KICS2: variants seen among roughly 807,000 people sequenced by gnomAD.
KICS2 encodes the protein KICSTOR subunit 2, also known as KICSTOR complex protein C12orf66.
In KICS2, 13 loss-of-function variants were observed where a neutral mutation model predicts 31.4. The observed-to-expected ratio is 0.41, with a 90% CI of 0.27 to 0.66. The LOEUF is 0.66. Ranked by LOEUF, KICS2 falls within the 30% of genes least tolerant of loss-of-function variation. The probability of loss-of-function intolerance (pLI) is 0.28; values close to 1 mark genes in which losing one functional copy is unlikely to be tolerated. For synonymous variants in KICS2, 209 were observed against 214.8 expected, an observed-to-expected ratio of 0.97 and a Z score of 0.24; for missense variants, 455 against 545.4, an observed-to-expected ratio of 0.83 and a Z score of 1.65.
downstream of KICS2, among the ~76,000 whole-genome samples, chr12:64,188,442 TG>T (rs2037356312): frequency 6.6e-6 from 1 of 151,832 alleles, no homozygotes; most frequent in Non-Finnish European, 1.5e-5. Context: ...GAGAATTGCT[TG>T]AACCAGGAGG....
In KICS2 at chr12:64,222,249, C is replaced by T; in HGVS notation, c.-12G>A. On this transcript the variant is annotated 5_prime_UTR_variant, in exon 1 of 3. Transcript: ENST00000398055. The stretch of plus-strand genomic sequence containing the variant: ...ATAGACTCCCCCATGCGAGCTGCGC[C>T]CCAGCTCGACCCACGTGGCTCTCCT... 1 of 1,612,314 alleles carries T rather than the reference C, an allele frequency of 6.2e-7. No homozygotes were observed. The highest frequency in any genetic ancestry group is 1.7e-4 in the Middle Eastern group (1 of 6,018).
At chr12:64,204,824 T>C (rs2037522051) in intron 2 of KICS2, 1 of 152,102 alleles carries the variant, frequency 6.6e-6, no homozygotes, top group African/African-American at 2.4e-5. Flanking sequence ...ATACTTAAAT[T>C]GGAATGATAC....
At chr12:64,218,634 C>A (rs914506899) in intron 1 of KICS2, among the ~76,000 whole-genome samples, 1 of 150,952 alleles carries the variant, frequency 6.6e-6, no homozygotes, top group Non-Finnish European at 1.5e-5. Context: ...TACTATTAAA[C>A]GGGGTGGCCT....
intron 1 of KICS2, among the ~76,000 whole-genome samples, chr12:64,219,550 C>A (rs2037659757): frequency 6.6e-6 from 1 of 152,068 alleles, no homozygotes; most frequent in Non-Finnish European, 1.5e-5. Context: ...TAAATACCAT[C>A]CATAAGAGAG....
intron 1 of KICS2, among the ~76,000 whole-genome samples, chr12:64,220,282 C>G (rs1420071015): frequency 6.6e-6 from 1 of 152,174 alleles, no homozygotes; most frequent in Non-Finnish European, 1.5e-5. Flanking sequence ...TTGAGGACCA[C>G]TTTACAGAAC....
chr12:64,217,056 T>A (rs1005897903), intron 1 of KICS2, among the ~76,000 whole-genome samples: 2 of 152,178 alleles, frequency 1.3e-5, no homozygotes, highest in Admixed American at 6.5e-5. Flanking sequence ...TTGTAAAATA[T>A]CCTCTTAATA....
chr12:64,219,946 G>C (rs813156), intron 1 of KICS2, among the ~76,000 whole-genome samples: 23 of 152,280 alleles, frequency 1.5e-4, no homozygotes, highest in African/African-American at 4.3e-4. Context: ...GTTTTCTCCT[G>C]AAGTTTTTAA....
downstream of KICS2, among the ~76,000 whole-genome samples, chr12:64,189,403 C>T (rs1348430018): frequency 6.6e-6 from 1 of 152,070 alleles, no homozygotes; most frequent in East Asian, 1.9e-4. Flanking sequence ...TACAACACCA[C>T]TACACAAAGA....
rs2037410211 is a variant in KICS2, at chr12:64,194,256, A to G, written c.924T>C (p.Tyr308=). 15 of 1,614,216 alleles carry G rather than the reference A, an allele frequency of 9.3e-6. No individual in the cohort carries two copies. Among genetic ancestry groups the G allele is most frequent in the Non-Finnish European group, 1.3e-5 (15 of 1,180,050 alleles). ...AAATTAAGGACACATTGGCAGCATC[A>G]TATTTTCTGATGAAGCTGGAAATCT... The part of the protein sequence containing the change: ...FGKISSFIRK[Y]DAANVSLIFD... The change falls in exon 3 of 3, where the codon TAT becomes TAC. Residue 308 remains tyrosine, a synonymous_variant. Transcript: ENST00000398055.
At position 64,194,948 on chromosome 12, in the gene KICS2, T is replaced by A. The variant is rs569004762; in HGVS notation, c.522-290A>T. Among the ~76,000 whole-genome samples, 812 of 129,596 alleles carry A rather than the reference T, an allele frequency of 6.3e-3. 13 individuals carry two copies. Among genetic ancestry groups the A allele is most frequent in the African/African-American group, 0.021 (777 of 36,268 alleles). The allele number at this position is 129,596 out of a possible 152,430, so 85.0% of individuals were successfully genotyped here. ...TTAGCTACAATTCATTTTTTTTTTT[T>A]TATTTATTTATTTTAGACTGGTTCT... On this transcript the variant is annotated intron_variant, in intron 2 of 2. Coordinates refer to ENST00000398055, the MANE Select transcript of KICS2 (RefSeq NM_152440.5).
intron 2 of KICS2, among the ~76,000 whole-genome samples, chr12:64,211,656 A>T (rs1389734670): frequency 6.6e-6 from 1 of 152,198 alleles, no homozygotes; most frequent in Admixed American, 6.5e-5. Flanking sequence ...GTTGCCTCTT[A>T]AAGACGGGAA....
intron 2 of KICS2, among the ~76,000 whole-genome samples, chr12:64,196,231 C>T (rs1232901804): frequency 1.3e-5 from 2 of 151,900 alleles, no homozygotes; most frequent in Non-Finnish European, 2.9e-5. Flanking sequence ...CAGTGGCTCT[C>T]CCAGCACGCA....
rs142891530 is a variant in KICS2, at chr12:64,203,591, A to G, written c.522-8933T>C. ...CATTTGATCACTTCATTGTTAATGA[A>G]ACGGACGCTTCTCACACAGCCCTGT... On this transcript the variant is annotated intron_variant, in intron 2 of 2. Transcript: ENST00000398055. Among the ~76,000 whole-genome samples, 1,207 of 152,306 alleles carry G rather than the reference A, an allele frequency of 7.9e-3. 18 individuals are homozygous for G. Among genetic ancestry groups the G allele is most frequent in the African/African-American group, 0.026 (1,095 of 41,570 alleles).
chr12:64,186,798 C>T (rs1406284858), downstream of KICS2: 1 of 152,148 alleles, frequency 6.6e-6, no homozygotes, highest in African/African-American at 2.4e-5. Context: ...CAAGCAGACA[C>T]CATGTTGGTC....
At position 64,193,689 on chromosome 12, in the gene KICS2, G is replaced by C. The variant is rs1021799615; in HGVS notation, c.*153C>G. On this transcript the variant is annotated 3_prime_UTR_variant, in exon 3 of 3. Coordinates refer to ENST00000398055, the MANE Select transcript of KICS2 (RefSeq NM_152440.5). ...AAACTTAATTCAATTGGCCTTAATT[G>C]CTTATAAAGTGTGCAACACAGGGAG... The C allele has an allele frequency of 7.0e-7, 1 of 1,432,644 alleles. No homozygotes were observed. Among genetic ancestry groups the C allele is most frequent in the Non-Finnish European group, 9.1e-7 (1 of 1,098,456 alleles). 88.7% of individuals were successfully genotyped at this position (1,432,644 alleles called of 1,614,324 possible).
intron 1 of KICS2, among the ~76,000 whole-genome samples, chr12:64,219,818 T>A (rs1005183719): frequency 6.6e-6 from 1 of 152,236 alleles, no homozygotes; most frequent in African/African-American, 2.4e-5. Flanking sequence ...AGAATTGTTT[T>A]AAATTTTTTA....
chr12:64,193,756 G>A lies in KICS2; in HGVS notation c.*86C>T. 2 of 1,478,070 alleles carry A rather than the reference G, an allele frequency of 1.4e-6. No homozygotes were observed. Among genetic ancestry groups the A allele is most frequent in the Non-Finnish European group, 1.8e-6 (2 of 1,116,068 alleles). The allele number at this position is 1,478,070 out of a possible 1,614,324, so 91.6% of individuals were successfully genotyped here. A position where few individuals can be genotyped will look rare whatever the true frequency, so the allele number is the denominator to read the frequency against. On this transcript the variant is annotated 3_prime_UTR_variant, in exon 3 of 3. Transcript: ENST00000398055. ...AGTTCTGAAAGAGGCATGAATGGAT[G>A]TAAACTCTATTCACAGACCACCGTA...
intron 2 of KICS2, chr12:64,204,782 TA>T (rs550673656): frequency 0.04 from 5,793 of 144,766 alleles, 340 homozygotes; most frequent in African/African-American, 0.13. Context: ...GACCCTGTGT[TA>T]AAAAAAAAAA....
downstream of KICS2, chr12:64,187,393 T>C: frequency 1.9e-6 from 1 of 531,418 alleles, no homozygotes; most frequent in Non-Finnish European, 3.3e-6. Context: ...TCTCTCCATT[T>C]TCTAGTGGTG....
Sources: allele counts gnomAD v4.1 joint callset (sites outside exome capture counted in the v4.1 genomes callset), GRCh38; gene constraint gnomAD v4.1.1; transcripts MANE v1.5; gene names NCBI Gene and HGNC (gene_info 2026-07-23, HGNC 2026-07-21).